Variants in GSG1L observed in about 807,000 individuals in gnomAD.
The protein encoded by GSG1L is germ cell-specific gene 1-like protein.
Under a neutral mutation model 42.1 loss-of-function variants are expected in GSG1L, and 24 were observed. That is an observed-to-expected ratio of 0.57 (90% CI 0.41 to 0.80). GSG1L has a LOEUF of 0.80. Among genes scored for constraint, GSG1L ranks in the 30% least tolerant of loss-of-function variants. The pLI is 0.00. For synonymous variants in GSG1L, 215 were observed against 203.5 expected (o/e 1.06, Z -0.48); for missense variants, 445 against 472.2 (o/e 0.94, Z 0.53).
rs568128353 is a variant in GSG1L at position 27,953,614 on chromosome 16, C to A, written c.397+9542G>T. ...AGGAGATAGGCTGGGTGCAATGGCTCATACTTGTAATCCCAGCACTTTGGG... is the reference window on the plus strand; with the variant it reads ...AGGAGATAGGCTGGGTGCAATGGCTAATACTTGTAATCCCAGCACTTTGGG... On this transcript the variant is annotated intron_variant, in intron 2 of 6. Transcript: ENST00000447459. Among the ~76,000 whole-genome samples the A allele has an allele frequency of 2.6e-3, 389 of 152,236 alleles. 5 individuals carry two copies. Among genetic ancestry groups the A allele is most frequent in the African/African-American group, 9.2e-3 (383 of 41,534 alleles).
chr16:28,060,759 T>C (rs1341493176), intron 1 of GSG1L, among the ~76,000 whole-genome samples: 1 of 152,132 alleles, frequency 6.6e-6, no homozygotes, highest in African/African-American at 2.4e-5. Flanking sequence ...GCCTCAAAGG[T>C]GGCGGCCAGG....
intron 3 of GSG1L, among the ~76,000 whole-genome samples, chr16:27,854,570 CG>C (rs1197822598): frequency 6.6e-6 from 1 of 152,132 alleles, no homozygotes; most frequent in Admixed American, 6.6e-5. Context: ...CGAGTTGGGC[CG>C]TGTGCTCACA....
intron 3 of GSG1L, among the ~76,000 whole-genome samples, chr16:27,867,633 C>G (rs2083745907): frequency 6.6e-6 from 1 of 152,230 alleles, no homozygotes; most frequent in Non-Finnish European, 1.5e-5. Context: ...GGGCTTTGGC[C>G]TCGGTTTCCC....
chr16:27,803,196 C>T (rs978524306), intron 6 of GSG1L, among the ~76,000 whole-genome samples: 2 of 152,058 alleles, frequency 1.3e-5, no homozygotes, highest in Admixed American at 1.3e-4. Flanking sequence ...CTGATGCTGT[C>T]CCCCCAGCTC....
intron 1 of GSG1L, among the ~76,000 whole-genome samples, chr16:28,026,397 A>G (rs538026668): frequency 6.6e-6 from 1 of 152,182 alleles, no homozygotes; most frequent in Non-Finnish European, 1.5e-5. Flanking sequence ...GCCACACATC[A>G]GCGAGGGACC....
At chr16:28,027,307 G>A (rs1212612007) in intron 1 of GSG1L, among the ~76,000 whole-genome samples, 1 of 152,156 alleles carries the variant, frequency 6.6e-6, no homozygotes, top group Non-Finnish European at 1.5e-5. Context: ...ATTGGTTCAG[G>A]AATAGACATG....
At chr16:27,943,095 C>A (rs2084819500) in intron 2 of GSG1L, among the ~76,000 whole-genome samples, 1 of 152,062 alleles carries the variant, frequency 6.6e-6, no homozygotes, top group African/African-American at 2.4e-5. Context: ...CACTCTGTCA[C>A]CCAGGCTAGA....
At chr16:28,031,843 G>A (rs532338376) in intron 1 of GSG1L, among the ~76,000 whole-genome samples, 117 of 152,280 alleles carry the variant, frequency 7.7e-4, no homozygotes, top group African/African-American at 2.5e-3. Flanking sequence ...TCTGACAGAC[G>A]AACCTCCATG....
intron 2 of GSG1L, among the ~76,000 whole-genome samples, chr16:27,946,618 AGAG>A (rs1567529971): frequency 6.9e-4 from 15 of 21,724 alleles, no homozygotes; most frequent in African/African-American, 2.0e-3. Context: ...AGAGAGAGAG[AGAG>A]AGAGAGAGAG....
chr16:28,013,597 C>T (rs2085748865), intron 1 of GSG1L, among the ~76,000 whole-genome samples: 1 of 152,196 alleles, frequency 6.6e-6, no homozygotes, highest in Non-Finnish European at 1.5e-5. Flanking sequence ...TTTCCAAGCA[C>T]TGACCACGTG....
intron 1 of GSG1L, among the ~76,000 whole-genome samples, chr16:28,062,176 C>T (rs1337094451): frequency 6.6e-6 from 1 of 152,188 alleles, no homozygotes; most frequent in Non-Finnish European, 1.5e-5. Context: ...GCTCTACCTG[C>T]TGTGTGGCAC....
intron 1 of GSG1L, among the ~76,000 whole-genome samples, chr16:27,999,224 C>G (rs2085554056): frequency 6.6e-6 from 1 of 152,200 alleles, no homozygotes; most frequent in Non-Finnish European, 1.5e-5. Context: ...GGGCAGATCA[C>G]TTGAGGGCAG....
At chr16:27,796,560 T>C (rs1186471024) in intron 6 of GSG1L, among the ~76,000 whole-genome samples, 5 of 152,174 alleles carry the variant, frequency 3.3e-5, no homozygotes, top group Admixed American at 6.5e-5. Context: ...AGGCACAGCG[T>C]TGAAAGCACG....
chr16:27,968,226 A>C (rs918992883), intron 1 of GSG1L, among the ~76,000 whole-genome samples: 2 of 152,050 alleles, frequency 1.3e-5, no homozygotes, highest in Admixed American at 6.6e-5. Flanking sequence ...TTTTAAAATA[A>C]ATTAATTTTT....
intron 2 of GSG1L, among the ~76,000 whole-genome samples, chr16:27,960,987 C>G (rs560228433): frequency 6.6e-6 from 1 of 152,202 alleles, no homozygotes; most frequent in South Asian, 2.1e-4. Flanking sequence ...GGCCTGATAC[C>G]TTCTGGAGGG....
chr16:27,979,392 C>G (rs962007238), intron 1 of GSG1L, among the ~76,000 whole-genome samples: 3 of 151,216 alleles, frequency 2.0e-5, no homozygotes, highest in Admixed American at 2.0e-4. Context: ...ATAATGAAAC[C>G]CCATCTCTAC....
intron 2 of GSG1L, among the ~76,000 whole-genome samples, chr16:27,957,793 G>A (rs181004912): frequency 2.9e-4 from 44 of 152,310 alleles, no homozygotes; most frequent in Non-Finnish European, 5.4e-4. Flanking sequence ...GGCTGTATAA[G>A]CATGGCGCCA....
chr16:27,866,036 G>C (rs982264393), intron 3 of GSG1L, among the ~76,000 whole-genome samples: 1 of 151,842 alleles, frequency 6.6e-6, no homozygotes, highest in Non-Finnish European at 1.5e-5. Flanking sequence ...CTCTCTCTGT[G>C]TCTCTCTCTA....
chr16:27,847,013 C>G (rs1429337295), intron 3 of GSG1L, among the ~76,000 whole-genome samples: 1 of 151,542 alleles, frequency 6.6e-6, no homozygotes, highest in Admixed American at 6.6e-5. Context: ...CTTGTTCATT[C>G]TGTAAAGCAA....
Sources: allele counts gnomAD v4.1 joint callset (sites outside exome capture counted in the v4.1 genomes callset), GRCh38; gene constraint gnomAD v4.1.1; transcripts MANE v1.5; gene names NCBI Gene and HGNC (gene_info 2026-07-23, HGNC 2026-07-21).